Variants in BSN observed in about 807,000 individuals in gnomAD.
The protein encoded by BSN is protein bassoon.
BSN carries 57 observed loss-of-function variants against 264.8 expected under a neutral mutation model. The observed-to-expected ratio is 0.22, with a 90% CI of 0.17 to 0.27. The LOEUF (loss-of-function observed/expected upper bound fraction) is 0.27. BSN is among the 10% of genes least tolerant of loss of function. The pLI is 1.00. For missense variants in BSN, 4,615 were observed against 5,232.5 expected, an observed-to-expected ratio of 0.88 and a Z score of 3.64; for synonymous variants, 2,059 against 2,137.3, an observed-to-expected ratio of 0.96 and a Z score of 1.01.
intron 1 of BSN, among the ~76,000 whole-genome samples, chr3:49,603,326 T>G (rs1254284577): frequency 1.3e-5 from 2 of 152,222 alleles, no homozygotes; most frequent in Non-Finnish European, 2.9e-5. Context: ...AGGTAAACTG[T>G]TCCTCCTATG....
At chr3:49,645,195 A>G (rs1424024807) in intron 3 of BSN, among the ~76,000 whole-genome samples, 1 of 152,070 alleles carries the variant, frequency 6.6e-6, no homozygotes, top group Non-Finnish European at 1.5e-5. Flanking sequence ...TCCTGGTCCT[A>G]CCTCATCCCC....
At chr3:49,578,026 G>A (rs949753292) in intron 1 of BSN, among the ~76,000 whole-genome samples, 1 of 152,130 alleles carries the variant, frequency 6.6e-6, no homozygotes, top group African/African-American at 2.4e-5. Flanking sequence ...ATCATTACAG[G>A]TTTCACACCT....
chr3:49,607,943 C>G (rs1203697187), intron 1 of BSN, among the ~76,000 whole-genome samples: 1 of 152,198 alleles, frequency 6.6e-6, no homozygotes, highest in Admixed American at 6.5e-5. Flanking sequence ...GGCTGTTACC[C>G]CACATCAGGC....
At chr3:49,574,024 A>G (rs11713474) in intron 1 of BSN, among the ~76,000 whole-genome samples, 45,409 of 151,870 alleles carry the variant, frequency 0.3, 7,286 homozygotes, top group Middle Eastern at 0.32. Flanking sequence ...GTCACAGCCC[A>G]TTGCAGCCTC....
Position 49,670,235 on chromosome 3 carries a change from AGGAC to A in BSN, c.*2751_*2754del, listed in dbSNP as rs2052745584. On this transcript the variant is annotated 3_prime_UTR_variant, in exon 12 of 12. Transcript: ENST00000296452. ...CATCACCTAACACCTCTGGCCACCCAGGACCAGGTCTGTGTGGGGATGTGCCTTG... is the reference window on the plus strand; with the variant it reads ...CATCACCTAACACCTCTGGCCACCCACAGGTCTGTGTGGGGATGTGCCTTG... 6.6e-6 allele frequency: 1 copy of A among 152,320 alleles called. No individual in the cohort carries two copies. Among genetic ancestry groups the A allele is most frequent in the African/African-American group, 2.4e-5 (1 of 41,466 alleles). The allele number at this position is 152,320 out of a possible 1,614,324, so 9.4% of individuals were successfully genotyped here.
chr3:49,637,245 G>A (rs749786069), intron 2 of BSN, among the ~76,000 whole-genome samples: 3 of 152,138 alleles, frequency 2.0e-5, no homozygotes, highest in Admixed American at 2.0e-4. Flanking sequence ...CTTGCTGCTG[G>A]GGGGGTGAGA....
At chr3:49,624,873 G>A in intron 1 of BSN, 102 bp from the exon 2 acceptor site, 2 of 1,074,820 alleles carry the variant, frequency 1.9e-6, no homozygotes, top group Non-Finnish European at 2.6e-6. Flanking sequence ...AGGAGGAAGA[G>A]GGTGGTGATG....
intron 1 of BSN, among the ~76,000 whole-genome samples, chr3:49,588,913 T>C (rs1285892503): frequency 6.6e-6 from 1 of 150,752 alleles, no homozygotes; most frequent in Non-Finnish European, 1.5e-5. Flanking sequence ...TGTTGTTGGG[T>C]GGAGTGTTTT....
rs1559612243 is a variant in BSN at position 49,642,963 on chromosome 3, A to G, written c.1329A>G (p.Ala443=). 1.2e-6 allele frequency: 2 copies of G among 1,614,116 alleles called. No homozygotes were observed. Among genetic ancestry groups the G allele is most frequent in the East Asian group, 2.2e-5 (1 of 44,882 alleles). ...GGTTSPKHGR[A]EHQAASKAAA... is the part of the protein sequence containing the mutation. ...CAACCAGTCCAAAGCATGGCAGAGC[A>G]GAACATCAGGCAGCATCGAAGGCTG... is the stretch of plus-strand genomic sequence containing the variant. The change falls in exon 3 of 12, where the codon GCA becomes GCG. Residue 443 remains alanine, a synonymous_variant. Transcript: ENST00000296452. The surrounding 1 kb of genome is among the most constrained non-coding windows in gnomAD (Gnocchi z 7.0).
chr3:49,559,246 A>AT (rs888921661), intron 1 of BSN, among the ~76,000 whole-genome samples: 45 of 149,798 alleles, frequency 3.0e-4, no homozygotes, highest in East Asian at 1.8e-3. Context: ...TATCTTAAAC[A>AT]TTTTTTTTTT....
rs1448319713 is a variant in BSN, at chr3:49,667,828, C to G, written c.*343C>G. On this transcript the variant is annotated 3_prime_UTR_variant, in exon 12 of 12. Transcript: ENST00000296452. ...GGGAGAACCCTCTCCAGAAACCCTG[C>G]CACCATGGTGTCTTGCCGTACTTCC... The G allele has an allele frequency of 6.6e-6, 1 of 152,518 alleles. No homozygotes were observed. The highest frequency in any genetic ancestry group is 1.5e-5 in the Non-Finnish European group (1 of 68,044). 9.4% of individuals were successfully genotyped at this position (152,518 alleles called of 1,614,324 possible). A position where few individuals can be genotyped will look rare whatever the true frequency, so the allele number is the denominator to read the frequency against.
intron 1 of BSN, among the ~76,000 whole-genome samples, chr3:49,622,215 A>AGTG (rs1347381742): frequency 6.6e-6 from 1 of 152,166 alleles, no homozygotes; most frequent in Non-Finnish European, 1.5e-5. Context: ...GCAGGTCATC[A>AGTG]GTGGCAGTTA....
At position 49,661,932 on chromosome 3, in the gene BSN, CA is replaced by C; in HGVS notation, c.10088del (p.Gln3363ArgfsTer19). The C allele has an allele frequency of 6.2e-7, 1 of 1,613,950 alleles. No individual in the cohort carries two copies. The highest frequency in any genetic ancestry group is 8.5e-7 in the Non-Finnish European group (1 of 1,180,046). The stretch of plus-strand genomic sequence containing the variant: ...CTCAAAGCGCAGCAAGCACCGGAAG[CA>C]GGGCATGGAGCAAAAGATATCCAAG... Reference protein sequence around the residue: ...ISSKRSKHRKQGMEQKISKFS... With the variant: ...ISSKRSKHRKXGMEQKISKFS... On this transcript the variant is annotated frameshift_variant, in exon 6 of 12. Transcript: ENST00000296452. LOFTEE classifies it high-confidence loss of function.
chr3:49,650,730 G>T lies in BSN; in HGVS notation c.1637G>T (p.Arg546Leu). Residue 546 changes from arginine (R) to leucine (L), a missense_variant, in exon 4 of 12, where the codon CGT becomes CTT. Transcript: ENST00000296452. ...CAGCCCCCTGTAGGGGCCCCTCACC[G>T]TGCATCTGGAACATCCCCTCTGAAG... is the stretch of plus-strand genomic sequence containing the variant. ...SQQPPVGAPH[R>L]ASGTSPLKQK... The T allele has an allele frequency of 6.2e-7, 1 of 1,613,354 alleles. No individual in the cohort carries two copies. The highest frequency in any genetic ancestry group is 1.1e-5 in the South Asian group (1 of 91,076).
At chr3:49,605,829 AG>A (rs2052129207) in intron 1 of BSN, among the ~76,000 whole-genome samples, 1 of 69,700 alleles carries the variant, frequency 1.4e-5, no homozygotes, top group Non-Finnish European at 2.5e-5. Flanking sequence ...TTGTATAAAT[AG>A]ATATAAATAT....
At chr3:49,640,095 C>T (rs1575444650) in intron 2 of BSN, among the ~76,000 whole-genome samples, 1 of 152,238 alleles carries the variant, frequency 6.6e-6, no homozygotes, top group Non-Finnish European at 1.5e-5. Flanking sequence ...ACGGCACCTT[C>T]CCCTGGTGAT....
At chr3:49,555,977 G>A (rs186072396) in intron 1 of BSN, among the ~76,000 whole-genome samples, 2 of 152,252 alleles carry the variant, frequency 1.3e-5, no homozygotes, top group African/African-American at 4.8e-5. Context: ...AAGGCTGTTA[G>A]TAGCTTGAAA....
chr3:49,601,130 G>A (rs2052070021), intron 1 of BSN, among the ~76,000 whole-genome samples: 1 of 152,200 alleles, frequency 6.6e-6, no homozygotes, highest in African/African-American at 2.4e-5. Context: ...GTAGATATCA[G>A]CTCTCTCAGA....
intron 1 of BSN, among the ~76,000 whole-genome samples, chr3:49,590,026 C>T (rs1476970708): frequency 6.6e-6 from 1 of 151,772 alleles, no homozygotes; most frequent in Admixed American, 6.6e-5. Context: ...TTAGTAGAGA[C>T]GGGGTTTCAC....
Sources: gnomAD v4.1 joint callset for allele counts (sites outside exome capture counted in the v4.1 genomes callset) on GRCh38, gnomAD v4.1.1 for gene constraint, Gnocchi (gnomAD v3.1) non-coding constraint, MANE v1.5 for transcripts, NCBI Gene and HGNC (gene_info 2026-07-23, HGNC 2026-07-21) for gene names.